Variants in MYCBPAP observed in about 807,000 individuals in gnomAD.
MYCBPAP encodes the protein MYCBP-associated protein.
Under a neutral mutation model 106.1 loss-of-function variants are expected in MYCBPAP, and 60 were observed. That is an observed-to-expected ratio of 0.57 (90% CI 0.46 to 0.70). MYCBPAP has a LOEUF of 0.70. Ranked by LOEUF, MYCBPAP falls within the 30% of genes least tolerant of loss-of-function variation. MYCBPAP has a pLI of 0.00. For synonymous variants in MYCBPAP, 407 were observed against 440.6 expected, an observed-to-expected ratio of 0.92 and a Z score of 0.95; for missense variants, 1,064 against 1,169.3, an observed-to-expected ratio of 0.91 and a Z score of 1.31.
At chr17:50,519,971 T>A in intron 7 of MYCBPAP, 184 bp downstream of exon 7, 1 of 612,658 alleles carries the variant, frequency 1.6e-6, no homozygotes. Flanking sequence ...TTTTCTTCAG[T>A]AAAACGGTGA....
chr17:50,529,087 A>G lies in MYCBPAP; in HGVS notation c.2623A>G (p.Arg875Gly), dbSNP rs1184541799. 1.9e-6 allele frequency: 3 copies of G among 1,614,048 alleles called. No homozygotes were observed. Among genetic ancestry groups the G allele is most frequent in the Admixed American group, 3.3e-5 (2 of 60,006 alleles). Residue 875 changes from arginine (R) to glycine (G), a missense_variant, in exon 18 of 19, where the codon AGG becomes GGG. Transcript: ENST00000323776. ...AGTCATAAAATCTGCAAGTCAGGAC[A>G]GGTTTTCTTTGGAAGACCCTACCCC... is the stretch of plus-strand genomic sequence containing the variant. ...KKVIKSASQD[R>G]FSLEDPTPDI...
chr17:50,527,776 C>T (rs1209932503), intron 15 of MYCBPAP, among the ~76,000 whole-genome samples: 1 of 152,168 alleles, frequency 6.6e-6, no homozygotes, highest in African/African-American at 2.4e-5. Flanking sequence ...CTTGTATAGG[C>T]GTGGGGTCCT....
At position 50,517,419 on chromosome 17, in the gene MYCBPAP, C is replaced by T; in HGVS notation, c.331C>T (p.Pro111Ser). ...VCHLVARPAN[P>S]DEATKPLDYS... is the part of the protein sequence containing the mutation. ...CCACCTTGTAGCACGTCCTGCGAAT[C>T]CTGATGAAGCCACAAAGCCTCTGGA... Residue 111 changes from proline to serine, a missense_variant, in exon 3 of 19, where the codon CCT (proline) becomes TCT (serine). Coordinates refer to ENST00000323776, the MANE Select transcript of MYCBPAP (RefSeq NM_032133.6). The T allele has an allele frequency of 1.2e-6, 2 of 1,614,216 alleles. No homozygotes were observed. The highest frequency in any genetic ancestry group is 1.7e-6 in the Non-Finnish European group (2 of 1,180,038).
intron 10 of MYCBPAP, chr17:50,522,709 AAT>A (rs1555620747): frequency 1.0e-4 from 5 of 50,080 alleles, no homozygotes; most frequent in African/African-American, 2.4e-4. Flanking sequence ...AAAAAAAAAA[AAT>A]ATATATATAT....
chr17:50,521,017 T>G, intron 7 of MYCBPAP, 93 bp from the exon 8 acceptor site: 1 of 938,394 alleles, frequency 1.1e-6, no homozygotes, highest in Non-Finnish European at 1.6e-6. Context: ...CTAGAAATGG[T>G]GTTGGGATAG....
In MYCBPAP at chr17:50,529,108, A is replaced by AC; in HGVS notation, c.2648dup (p.Asp884Ter). 1.2e-6 allele frequency: 2 copies of AC among 1,614,016 alleles called. No individual in the cohort carries two copies. Among genetic ancestry groups the AC allele is most frequent in the Non-Finnish European group, 1.7e-6 (2 of 1,179,998 alleles). ...GGACAGGTTTTCTTTGGAAGACCCT[A>AC]CCCCTGACATCATCCTCTCTTCTCA... On this transcript the variant is annotated frameshift_variant, in exon 18 of 19. Coordinates refer to ENST00000323776, the MANE Select transcript of MYCBPAP (RefSeq NM_032133.6). LOFTEE classifies it high-confidence loss of function.
At position 50,528,186 on chromosome 17, in the gene MYCBPAP, C is replaced by G. The variant is rs1258872144; in HGVS notation, c.2323C>G (p.Leu775Val). Residue 775 changes from leucine to valine, a missense_variant, in exon 16 of 19, where the codon CTG (leucine) becomes GTG (valine). Physicochemically the swap from Leu to Val is conservative, Grantham distance 32. Coordinates refer to ENST00000323776, the MANE Select transcript of MYCBPAP (RefSeq NM_032133.6). ...GCTGTGGCGAGATGTGATTGACAGC[C>G]TGGTGGGCCATTCCATGTGGCTGAG... ...LQLWRDVIDS[L>V]VGHSMWLRSV... is the part of the protein sequence containing the mutation. 6.2e-7 allele frequency: 1 copy of G among 1,614,096 alleles called. No homozygotes were observed. The highest frequency in any genetic ancestry group is 2.2e-5 in the East Asian group (1 of 44,906).
At position 50,528,168 on chromosome 17, in the gene MYCBPAP, C is replaced by T. The variant is rs781195628; in HGVS notation, c.2305C>T (p.Arg769Ter). The T allele has an allele frequency of 9.9e-6, 16 of 1,614,000 alleles. No homozygotes were observed. The highest frequency in any genetic ancestry group is 3.3e-4 in the Middle Eastern group (2 of 6,060). ...CTTGCCCTCTAGTTTGCAGCTGTGG[C>T]GAGATGTGATTGACAGCCTGGTGGG... ...LLHQMCLQLW[R>*]DVIDSLVGHS... The change falls in exon 16 of 19, where the codon CGA becomes TGA. Residue 769 changes from arginine to a stop codon, truncating the protein, a stop_gained. Transcript: ENST00000323776. LOFTEE classifies it high-confidence loss of function.
intron 9 of MYCBPAP, 35 bp from the exon 10 acceptor site, chr17:50,521,938 C>T (rs763361727): frequency 1.3e-6 from 2 of 1,596,644 alleles, no homozygotes; most frequent in Middle Eastern, 3.3e-4. Context: ...ACTGTGGCAG[C>T]CTAAGAGAAA....
chr17:50,525,659 C>CTTTTTTTTTTTTTT, intron 13 of MYCBPAP, among the ~76,000 whole-genome samples: 1 of 131,398 alleles, frequency 7.6e-6, no homozygotes, highest in African/African-American at 2.9e-5. Flanking sequence ...GCTAATTTCT[C>CTTTTTTTTTTTTTT]TTTTTTTTTT....
chr17:50,528,666 C>G (rs2034535161), intron 16 of MYCBPAP, 29 bp from the exon 17 acceptor site: 1 of 1,609,826 alleles, frequency 6.2e-7, no homozygotes, highest in Admixed American at 1.7e-5. Context: ...TGGGGGCCTG[C>G]CATATTTTCT....
chr17:50,530,046 G>A (rs2034584474), intron 18 of MYCBPAP: 1 of 363,638 alleles, frequency 2.7e-6, no homozygotes, highest in Non-Finnish European at 5.5e-6. Context: ...ATGTATTGTG[G>A]TCACACTCTG....
intron 15 of MYCBPAP, among the ~76,000 whole-genome samples, chr17:50,527,703 G>C (rs2034506637): frequency 6.6e-6 from 1 of 152,174 alleles, no homozygotes; most frequent in Admixed American, 6.5e-5. Flanking sequence ...AAGACGGGGG[G>C]CAGATTCCAA....
rs1419308874 is a variant in MYCBPAP, at chr17:50,526,242, A to G, written c.2144A>G (p.Asn715Ser). Residue 715 changes from asparagine to serine, a missense_variant, in exon 14 of 19, where the codon AAC becomes AGC. Coordinates refer to ENST00000323776, the MANE Select transcript of MYCBPAP (RefSeq NM_032133.6). The part of the protein sequence containing the change: ...EPDGLPLLEW[N>S]LCLEDFRKAV... The stretch of plus-strand genomic sequence containing the variant: ...GATGGCCTTCCCCTGCTGGAGTGGA[A>G]CCTCTGCTTGGAGGACTTCAGAAAG... 1 of 1,610,426 alleles carries G rather than the reference A, an allele frequency of 6.2e-7. No homozygotes were observed. The highest frequency in any genetic ancestry group is 1.7e-5 in the Admixed American group (1 of 59,580).
rs990077042 is a variant in MYCBPAP at position 50,529,085 on chromosome 17, A to G, written c.2621A>G (p.Asp874Gly). 6.2e-7 allele frequency: 1 copy of G among 1,613,988 alleles called. No individual in the cohort carries two copies. The highest frequency in any genetic ancestry group is 8.5e-7 in the Non-Finnish European group (1 of 1,180,012). ...AAAGTCATAAAATCTGCAAGTCAGG[A>G]CAGGTTTTCTTTGGAAGACCCTACC... ...DKKVIKSASQ[D>G]RFSLEDPTPD... The change falls in exon 18 of 19, where the codon GAC becomes GGC. Residue 874 changes from aspartate (D) to glycine (G), a missense_variant. Asp to Gly is a moderately conservative substitution (Grantham distance 94). Coordinates refer to ENST00000323776, the MANE Select transcript of MYCBPAP (RefSeq NM_032133.6).
chr17:50,510,499 G>GTGTATATA lies in MYCBPAP; in HGVS notation c.76+1750_76+1751insGTATATAT, dbSNP rs1418345705. On this transcript the variant is annotated intron_variant, in intron 1 of 18. Coordinates refer to ENST00000323776, the MANE Select transcript of MYCBPAP (RefSeq NM_032133.6). ...TGTGTGTGTGTGTGTGTGTGTGTGTGTATATATATATATATATATATATAT... is the reference window on the plus strand; with the variant it reads ...TGTGTGTGTGTGTGTGTGTGTGTGTGTGTATATATATATATATATATATATATATATAT... 299 of 76,366 alleles carry GTGTATATA rather than the reference G, an allele frequency of 3.9e-3. 1 individual carries two copies. The highest frequency in any genetic ancestry group is 8.2e-3 in the Middle Eastern group (1 of 122). The allele number at this position is 76,366 out of a possible 1,614,324, so 4.7% of individuals were successfully genotyped here.
At chr17:50,519,391 C>T in intron 6 of MYCBPAP, 2 of 590,332 alleles carry the variant, frequency 3.4e-6, no homozygotes, top group South Asian at 2.1e-5. Flanking sequence ...AAGAGTCCCC[C>T]ACCTTTTTTT....
chr17:50,516,783 A>G (rs2034068401), intron 2 of MYCBPAP, 86 bp downstream of exon 2: 1 of 1,489,528 alleles, frequency 6.7e-7, no homozygotes, highest in African/African-American at 1.4e-5. Context: ...CCATGTCCCT[A>G]CTCATGGGGA....
chr17:50,527,780 G>A (rs2034509117), intron 15 of MYCBPAP, among the ~76,000 whole-genome samples: 1 of 152,128 alleles, frequency 6.6e-6, no homozygotes. Flanking sequence ...TATAGGCGTG[G>A]GGTCCTTTTC....
Sources: allele counts gnomAD v4.1 joint callset (sites outside exome capture counted in the v4.1 genomes callset), GRCh38; gene constraint gnomAD v4.1.1; transcripts MANE v1.5; gene names NCBI Gene and HGNC (gene_info 2026-07-23, HGNC 2026-07-21).